Variants in SKAP1 observed in about 807,000 individuals in gnomAD.
SKAP1 encodes src kinase associated phosphoprotein 1.
In SKAP1, 44 loss-of-function variants were observed where a neutral mutation model predicts 58.5. The observed-to-expected ratio is 0.75, with a 90% CI of 0.59 to 0.97. The LOEUF (loss-of-function observed/expected upper bound fraction) is 0.97, where lower values mean the gene tolerates loss of function less well. Ranked by LOEUF, SKAP1 falls within the 50% of genes least tolerant of loss-of-function variation. SKAP1 has a pLI of 0.00. For synonymous variants in SKAP1, 127 were observed against 149.7 expected (o/e 0.85, Z 1.11); for missense variants, 390 against 435.2 (o/e 0.90, Z 0.92).
At chr17:48,344,182 T>A (rs987820166) in intron 4 of SKAP1, 1 of 339,896 alleles carries the variant, frequency 2.9e-6, no homozygotes, top group Non-Finnish European at 4.2e-6. Flanking sequence ...AACTGCTATT[T>A]AAAAAAAATT....
intron 4 of SKAP1, among the ~76,000 whole-genome samples, chr17:48,259,440 T>C (rs1017147946): frequency 2.0e-5 from 3 of 152,132 alleles, no homozygotes; most frequent in African/African-American, 7.2e-5. Flanking sequence ...CTGTATTAAA[T>C]AGGAACATAC....
At chr17:48,440,599 T>A in the SKAP1 span, among the ~76,000 whole-genome samples, 1 of 152,118 alleles carries the variant, frequency 6.6e-6, no homozygotes, top group Non-Finnish European at 1.5e-5. Flanking sequence ...ACATCTTCAC[T>A]CCAAGGAGAA....
At chr17:48,397,333 C>T (rs575020559) in intron 1 of SKAP1, among the ~76,000 whole-genome samples, 73 of 152,298 alleles carry the variant, frequency 4.8e-4, no homozygotes, top group Admixed American at 8.5e-4. Flanking sequence ...TCAAGTGATT[C>T]TCCTGCTTCA....
chr17:48,410,942 A>AAAAAAG (rs2067655608), intron 1 of SKAP1, among the ~76,000 whole-genome samples: 3 of 141,164 alleles, frequency 2.1e-5, no homozygotes, highest in African/African-American at 9.3e-5. Flanking sequence ...TTCAAAAAAA[A>AAAAAAG]AAAAAAAAAA....
intron 4 of SKAP1, among the ~76,000 whole-genome samples, chr17:48,197,823 A>T (rs2064659461): frequency 6.6e-6 from 1 of 152,248 alleles, no homozygotes; most frequent in African/African-American, 2.4e-5. Context: ...TGGAGGATGA[A>T]GAACCCTCTC....
chr17:48,307,267 A>T (rs1341447820), intron 4 of SKAP1: 1 of 152,210 alleles, frequency 6.6e-6, no homozygotes, highest in African/African-American at 2.4e-5. Context: ...CTATTCCAAG[A>T]TTACACTGAC....
chr17:48,291,865 G>A lies in SKAP1; in HGVS notation c.280+54040C>T, dbSNP rs76628389. Among the ~76,000 whole-genome samples, 142 of 152,180 alleles carry A rather than the reference G, an allele frequency of 9.3e-4. 1 individual carries two copies. The East Asian group carries it at 0.019, about 20-fold the overall frequency. Reference sequence around the variant, plus strand: ...CAGTTGAACAGGACTGCATACTAGCGTTAATCTATTTTTATGGCATATCTT... The same window carrying A: ...CAGTTGAACAGGACTGCATACTAGCATTAATCTATTTTTATGGCATATCTT... On this transcript the variant is annotated intron_variant, in intron 4 of 12. Transcript: ENST00000336915.
At chr17:48,439,762 A>G in the SKAP1 span, among the ~76,000 whole-genome samples, 11 of 152,340 alleles carry the variant, frequency 7.2e-5, no homozygotes, top group East Asian at 5.8e-4. Context: ...TATGGCCACT[A>G]TGACATGTGC....
intron 4 of SKAP1, among the ~76,000 whole-genome samples, chr17:48,243,769 C>T (rs528905459): frequency 6.6e-6 from 1 of 152,194 alleles, no homozygotes; most frequent in South Asian, 2.1e-4. Context: ...AAAAATATTC[C>T]TACATTTTTG....
upstream of SKAP1, among the ~76,000 whole-genome samples, chr17:48,433,518 C>G (rs1195814123): frequency 6.6e-6 from 1 of 152,184 alleles, no homozygotes; most frequent in African/African-American, 2.4e-5. Context: ...CCCCCAGACC[C>G]AATTCCAGCA....
At chr17:48,176,698 T>G (rs576097796) in intron 9 of SKAP1, among the ~76,000 whole-genome samples, 105 of 152,330 alleles carry the variant, frequency 6.9e-4, no homozygotes, top group African/African-American at 2.5e-3. Flanking sequence ...TGGTTTTCCC[T>G]CAAGGGGAGA....
intron 4 of SKAP1, among the ~76,000 whole-genome samples, chr17:48,191,864 G>A (rs1022369114): frequency 6.6e-6 from 1 of 152,182 alleles, no homozygotes; most frequent in Admixed American, 6.5e-5. Flanking sequence ...ATGAACAGCA[G>A]CAAAGGAAAG....
chr17:48,360,695 A>C (rs766917900), intron 3 of SKAP1, among the ~76,000 whole-genome samples: 26 of 152,300 alleles, frequency 1.7e-4, no homozygotes, highest in Admixed American at 1.3e-3. Flanking sequence ...TCTACATTAA[A>C]GTAATGTATT....
intron 1 of SKAP1, among the ~76,000 whole-genome samples, chr17:48,399,029 C>G (rs901751851): frequency 1.3e-5 from 2 of 151,352 alleles, no homozygotes; most frequent in African/African-American, 2.4e-5. Flanking sequence ...CAAAAAGAAA[C>G]AAACAAACAA....
At chr17:48,222,497 C>G (rs148127716) in intron 4 of SKAP1, among the ~76,000 whole-genome samples, 31 of 151,728 alleles carry the variant, frequency 2.0e-4, no homozygotes, top group African/African-American at 7.2e-4. Context: ...ATTTTTTTCC[C>G]GAGATGGAGT....
At chr17:48,352,414 C>T (rs978837171) in intron 3 of SKAP1, among the ~76,000 whole-genome samples, 4 of 151,940 alleles carry the variant, frequency 2.6e-5, no homozygotes, top group Non-Finnish European at 4.4e-5. Flanking sequence ...AATATATAAA[C>T]CTAGGTATTT....
chr17:48,280,885 T>C (rs2065758312), intron 4 of SKAP1, among the ~76,000 whole-genome samples: 1 of 152,202 alleles, frequency 6.6e-6, no homozygotes, highest in South Asian at 2.1e-4. Flanking sequence ...ACACAATTTG[T>C]TTATCTACTC....
intron 4 of SKAP1, among the ~76,000 whole-genome samples, chr17:48,198,044 C>CA (rs1421183924): frequency 6.6e-6 from 1 of 152,188 alleles, no homozygotes; most frequent in Non-Finnish European, 1.5e-5. Flanking sequence ...TGGTAGGTGT[C>CA]AGGAGTTCAT....
intron 4 of SKAP1, among the ~76,000 whole-genome samples, chr17:48,262,503 GA>G (rs1335419378): frequency 6.6e-6 from 1 of 152,116 alleles, no homozygotes; most frequent in African/African-American, 2.4e-5. Flanking sequence ...TGGGCAATGT[GA>G]CATTATATTT....
Sources: gnomAD v4.1 joint callset for allele counts (sites outside exome capture counted in the v4.1 genomes callset) on GRCh38, gnomAD v4.1.1 for gene constraint, MANE v1.5 for transcripts, NCBI Gene and HGNC (gene_info 2026-07-23, HGNC 2026-07-21) for gene names.